KLHL20: variants seen among roughly 807,000 people sequenced by gnomAD.
KLHL20 encodes kelch like family member 20.
In KLHL20, 29 loss-of-function variants were observed where a neutral mutation model predicts 69.5. The ratio of observed to expected loss-of-function variants is 0.42; its 90% CI spans 0.31 to 0.57. KLHL20 has a LOEUF of 0.57. KLHL20 is among the 20% of genes least tolerant of loss of function. KLHL20 has a pLI of 0.18. For synonymous variants in KLHL20, 253 were observed against 265.2 expected, an observed-to-expected ratio of 0.95 and a Z score of 0.45; for missense variants, 419 against 776.0, an observed-to-expected ratio of 0.54 and a Z score of 5.47.
intron 8 of KLHL20, among the ~76,000 whole-genome samples, chr1:173,766,807 T>TATATATATTA: frequency 6.6e-6 from 1 of 152,180 alleles, no homozygotes; most frequent in African/African-American, 2.4e-5. Context: ...TTAACAAAAA[T>TATATATATTA]TATATATATT....
At chr1:173,780,770 A>G (rs763191203) in intron 10 of KLHL20, among the ~76,000 whole-genome samples, 3 of 152,038 alleles carry the variant, frequency 2.0e-5, no homozygotes, top group Non-Finnish European at 4.4e-5. Flanking sequence ...TTGCTCTGTC[A>G]TCTAGGCTGG....
chr1:173,730,289 A>G (rs969664252), intron 2 of KLHL20, among the ~76,000 whole-genome samples: 1 of 152,126 alleles, frequency 6.6e-6, no homozygotes, highest in African/African-American at 2.4e-5. Context: ...AAATGGCCAT[A>G]CTGCCCAAGG....
intron 9 of KLHL20, among the ~76,000 whole-genome samples, chr1:173,775,110 C>T (rs139964550): frequency 6.6e-6 from 1 of 152,118 alleles, no homozygotes; most frequent in African/African-American, 2.4e-5. Context: ...TGCACCTGGC[C>T]TGGTTTGTTA....
intron 3 of KLHL20, among the ~76,000 whole-genome samples, chr1:173,736,528 G>T (rs543772094): frequency 1.1e-4 from 16 of 151,744 alleles, no homozygotes; most frequent in African/African-American, 2.4e-4. Flanking sequence ...CATAGTGGTT[G>T]CACTAGTCCA....
At chr1:173,753,347 A>G in intron 5 of KLHL20, 40 bp downstream of exon 5, 1 of 1,445,298 alleles carries the variant, frequency 6.9e-7, no homozygotes, top group South Asian at 1.2e-5. Context: ...ACAACTAAGC[A>G]TTCCTATTTT....
At chr1:173,757,221 A>T in intron 7 of KLHL20, 62 bp downstream of exon 7, 1 of 1,433,242 alleles carries the variant, frequency 7.0e-7, no homozygotes, top group Non-Finnish European at 9.5e-7. Context: ...TGAGATGTTA[A>T]TTAGGAAACA....
chr1:173,757,418 C>G (rs764495118), intron 7 of KLHL20, among the ~76,000 whole-genome samples: 4 of 152,152 alleles, frequency 2.6e-5, no homozygotes, highest in African/African-American at 4.8e-5. Flanking sequence ...CTTGGACATG[C>G]TGCATGTCCA....
Position 173,766,172 on chromosome 1 carries a change from G to A in KLHL20, c.1178G>A (p.Ser393Asn). 1 of 1,610,136 alleles carries A rather than the reference G, an allele frequency of 6.2e-7. No individual in the cohort carries two copies. Among genetic ancestry groups the A allele is most frequent in the Non-Finnish European group, 8.5e-7 (1 of 1,178,378 alleles). Residue 393 changes from serine (S) to asparagine (N), a missense_variant, in exon 8 of 12, where the codon AGC becomes AAC. By Grantham distance (46) the Ser-to-Asn change is conservative. Transcript: ENST00000209884. ...ERYDPKTNQW[S>N]SDVAPTSTCR... ...TATGACCCCAAAACAAACCAGTGGA[G>A]CAGTGATGTGGCCCCTACAAGCACC... is the stretch of plus-strand genomic sequence containing the variant.
At chr1:173,762,518 AAAAAGAT>A (rs1647376846) in intron 7 of KLHL20, among the ~76,000 whole-genome samples, 1 of 152,240 alleles carries the variant, frequency 6.6e-6, no homozygotes. Flanking sequence ...ACATCATATC[AAAAAGAT>A]AATCCACCAT....
At chr1:173,737,949 C>CT (rs79506793) in intron 3 of KLHL20, among the ~76,000 whole-genome samples, 3,020 of 138,150 alleles carry the variant, frequency 0.022, 98 homozygotes, top group African/African-American at 0.066. Flanking sequence ...AGTATTTTAT[C>CT]TTTTTTTTTT....
chr1:173,742,731 CATGTGTGTATATAT>C (rs1316599822), intron 3 of KLHL20, among the ~76,000 whole-genome samples: 1 of 149,894 alleles, frequency 6.7e-6, no homozygotes, highest in East Asian at 2.0e-4. Context: ...TATGTATATA[CATGTGTGTATATAT>C]GTAAATATGT....
At chr1:173,783,877 AAAG>A (rs1475818833) in intron 11 of KLHL20, among the ~76,000 whole-genome samples, 3 of 151,758 alleles carry the variant, frequency 2.0e-5, no homozygotes, top group Non-Finnish European at 2.9e-5. Flanking sequence ...AAAAAAAAAA[AAAG>A]ATTTACTAAG....
In KLHL20 at chr1:173,755,965, A is replaced by G; in HGVS notation, c.894A>G (p.Gln298=). 6.2e-7 allele frequency: 1 copy of G among 1,614,116 alleles called. No homozygotes were observed. Among genetic ancestry groups the G allele is most frequent in the Non-Finnish European group, 8.5e-7 (1 of 1,179,998 alleles). The part of the protein sequence containing the change: ...DEAKNYLLLP[Q]ERPLMQGPRT... ...CTAAAAACTACCTCCTATTGCCGCA[A>G]GAACGACCACTAATGCAAGGACCAA... is the stretch of plus-strand genomic sequence containing the variant. Residue 298 remains glutamine, a synonymous_variant, in exon 6 of 12, where the codon CAA becomes CAG. Coordinates refer to ENST00000209884, the MANE Select transcript of KLHL20 (RefSeq NM_014458.4).
At chr1:173,767,764 TC>T (rs1160118757) in intron 8 of KLHL20, among the ~76,000 whole-genome samples, 1 of 152,150 alleles carries the variant, frequency 6.6e-6, no homozygotes, top group Admixed American at 6.5e-5. Flanking sequence ...TTGTTTAAGT[TC>T]CTTATATATT....
intron 2 of KLHL20, among the ~76,000 whole-genome samples, chr1:173,722,666 T>C (rs989311719): frequency 1.3e-5 from 2 of 149,258 alleles, no homozygotes; most frequent in African/African-American, 5.0e-5. Flanking sequence ...AATAAGAGCA[T>C]TATTTTTTTT....
In KLHL20 at chr1:173,775,673, T is replaced by C; in HGVS notation, c.1469T>C (p.Ile490Thr). 1.2e-6 allele frequency: 2 copies of C among 1,614,230 alleles called. No homozygotes were observed. The highest frequency in any genetic ancestry group is 2.2e-5 in the South Asian group (2 of 91,088). The change falls in exon 10 of 12, where the codon ATA (isoleucine) becomes ACA (threonine). Residue 490 changes from isoleucine to threonine, a missense_variant. This residue lies in a region of KLHL20 where 56 missense variants were observed against 75.9 expected (regional missense o/e 0.74). Coordinates refer to ENST00000209884, the MANE Select transcript of KLHL20 (RefSeq NM_014458.4). ...YNPQENRWHT[I>T]APMGTRRKHL... is the part of the protein sequence containing the mutation. Reference sequence around the variant, plus strand: ...CCTCAGGAAAACAGATGGCACACTATAGCCCCTATGGGGACCCGGAGGAAA... The same window carrying C: ...CCTCAGGAAAACAGATGGCACACTACAGCCCCTATGGGGACCCGGAGGAAA...
chr1:173,759,790 C>T (rs1673712884), intron 7 of KLHL20, among the ~76,000 whole-genome samples: 1 of 152,162 alleles, frequency 6.6e-6, no homozygotes, highest in Non-Finnish European at 1.5e-5. Context: ...AGAAAACCAA[C>T]CCTGGTAACA....
intron 8 of KLHL20, among the ~76,000 whole-genome samples, chr1:173,767,168 T>G (rs1044784481): frequency 2.0e-5 from 3 of 152,232 alleles, no homozygotes; most frequent in Non-Finnish European, 2.9e-5. Flanking sequence ...TTTCTGTGTT[T>G]AGCTTGTTTC....
In KLHL20 at chr1:173,715,759, C is replaced by T. The variant is rs1671438682; in HGVS notation, c.-41-244C>T. On this transcript the variant is annotated intron_variant, in intron 1 of 11. Coordinates refer to ENST00000209884, the MANE Select transcript of KLHL20 (RefSeq NM_014458.4). ...CTTTTTGAAGAGAAACAAGACTGAC[C>T]TAACAGTCGGGACTATTTAGCATAC... 3 of 406,246 alleles carry T rather than the reference C, an allele frequency of 7.4e-6. No homozygotes were observed. The East Asian group carries it at 1.1e-4, about 15-fold the overall frequency. The allele number at this position is 406,246 out of a possible 1,614,324, so 25.2% of individuals were successfully genotyped here. A position where few individuals can be genotyped will look rare whatever the true frequency, so the allele number is the denominator to read the frequency against.
Sources: allele counts gnomAD v4.1 joint callset (sites outside exome capture counted in the v4.1 genomes callset), GRCh38; gene constraint gnomAD v4.1.1; regional missense constraint gnomAD v4.1.1; transcripts MANE v1.5; gene names NCBI Gene and HGNC (gene_info 2026-07-23, HGNC 2026-07-21).